The following OPCML variants were observed in gnomAD, a reference collection of about 807,000 sequenced individuals.
The protein encoded by OPCML is opioid-binding protein/cell adhesion molecule.
In OPCML, 13 loss-of-function variants were observed where a neutral mutation model predicts 37.8. That is an observed-to-expected ratio of 0.34 (90% CI 0.22 to 0.55). The LOEUF is 0.55. OPCML is among the 20% of genes least tolerant of loss of function. OPCML has a pLI of 0.91. For missense variants in OPCML, 341 were observed against 435.6 expected (o/e 0.78, Z 1.93); for synonymous variants, 176 against 168.8 (o/e 1.04, Z -0.33).
At position 132,886,133 on chromosome 11, in the gene OPCML, T is replaced by C. The variant is rs117386212; in HGVS notation, c.146+56793A>G. ...TATGGATTAGCGTAATTTACATAAC[T>C]AGTCCCATATCAATAAAGCTTTCAA... On this transcript the variant is annotated intron_variant, in intron 2 of 7. Transcript: ENST00000524381. 8.9e-3 allele frequency among the ~76,000 whole-genome samples: 1,352 copies of C among 152,372 alleles called. 9 individuals carry two copies. Among genetic ancestry groups the C allele is most frequent in the Non-Finnish European group, 0.013 (851 of 68,034 alleles).
At chr11:133,387,479 T>G (rs1208526220) in intron 1 of OPCML, among the ~76,000 whole-genome samples, 3 of 152,216 alleles carry the variant, frequency 2.0e-5, no homozygotes, top group Admixed American at 2.0e-4. Flanking sequence ...AGCCTTTCAG[T>G]GCCCCAACAG....
intron 3 of OPCML, among the ~76,000 whole-genome samples, chr11:132,559,937 T>C (rs2137496310): frequency 6.6e-6 from 1 of 152,330 alleles, no homozygotes; most frequent in African/African-American, 2.4e-5. Context: ...GCAAAAGCTA[T>C]TTTACAAGTA....
chr11:133,298,736 G>T (rs1220433791), intron 1 of OPCML: 1 of 152,158 alleles, frequency 6.6e-6, no homozygotes, highest in Non-Finnish European at 1.5e-5. Context: ...ACACTTTGTT[G>T]TCTCCCAGTA....
intron 1 of OPCML, among the ~76,000 whole-genome samples, chr11:133,331,581 G>C (rs1169527641): frequency 6.6e-6 from 1 of 152,016 alleles, no homozygotes; most frequent in African/African-American, 2.4e-5. Flanking sequence ...TTATGCTGTG[G>C]GTTTAGCCTT....
intron 1 of OPCML, among the ~76,000 whole-genome samples, chr11:133,267,540 T>C (rs1941697616): frequency 6.6e-6 from 1 of 152,206 alleles, no homozygotes; most frequent in Non-Finnish European, 1.5e-5. Context: ...TCTTGTCTTT[T>C]TGGTATTAAA....
At chr11:133,458,621 A>ACACGTGTGTGTGTATATACACATAGATG (rs1946769753) in intron 1 of OPCML, among the ~76,000 whole-genome samples, 8 of 96,860 alleles carry the variant, frequency 8.3e-5, no homozygotes, top group Non-Finnish European at 1.1e-4. Context: ...ACACATATAT[A>ACACGTGTGTGTGTATATACACATAGATG]CACGTGTGTG....
At chr11:132,771,095 C>T (rs1394872854) in intron 2 of OPCML, among the ~76,000 whole-genome samples, 2 of 152,170 alleles carry the variant, frequency 1.3e-5, no homozygotes, top group Non-Finnish European at 2.9e-5. Flanking sequence ...GAGCAACCAA[C>T]TTTAACCTTG....
intron 2 of OPCML, among the ~76,000 whole-genome samples, chr11:132,789,645 G>T (rs1460681114): frequency 6.6e-6 from 1 of 152,174 alleles, no homozygotes; most frequent in Admixed American, 6.5e-5. Flanking sequence ...CAAAGAGAAA[G>T]AACAATATTT....
At chr11:133,219,661 C>G (rs1413154932) in intron 1 of OPCML, among the ~76,000 whole-genome samples, 1 of 152,164 alleles carries the variant, frequency 6.6e-6, no homozygotes, top group Non-Finnish European at 1.5e-5. Flanking sequence ...CTGCTGCTGC[C>G]TGCCCAAGGA....
rs114008771 is a variant in OPCML, at chr11:132,653,729, C to T, written c.379+3358G>A. On this transcript the variant is annotated intron_variant, in intron 3 of 7. Coordinates refer to ENST00000524381, the MANE Select transcript of OPCML (RefSeq NM_001012393.5). ...AGTTGGTGGCAGAGTGTCTCTCAGG[C>T]GCTCCCATGGCAGGAGGGATAAAGC... 4.4e-3 allele frequency among the ~76,000 whole-genome samples: 664 copies of T among 152,266 alleles called. 5 individuals carry two copies. The highest frequency in any genetic ancestry group is 0.015 in the African/African-American group (618 of 41,550).
intron 2 of OPCML, among the ~76,000 whole-genome samples, chr11:132,762,651 G>T (rs1946304074): frequency 6.6e-6 from 1 of 152,142 alleles, no homozygotes; most frequent in African/African-American, 2.4e-5. Context: ...AGTAATGGTG[G>T]ATGCCCGTCC....
chr11:132,752,364 C>T (rs1265699442), intron 2 of OPCML, among the ~76,000 whole-genome samples: 1 of 152,100 alleles, frequency 6.6e-6, no homozygotes, highest in Admixed American at 6.6e-5. Flanking sequence ...TTGTCTGAAA[C>T]CTTAGTTCCA....
intron 1 of OPCML, among the ~76,000 whole-genome samples, chr11:133,026,731 A>T (rs1474188731): frequency 6.6e-6 from 1 of 152,184 alleles, no homozygotes; most frequent in Non-Finnish European, 1.5e-5. Context: ...GCCTGCAATC[A>T]GTTTTGTCTT....
chr11:132,725,936 A>T (rs978097180), intron 2 of OPCML, among the ~76,000 whole-genome samples: 3 of 152,090 alleles, frequency 2.0e-5, no homozygotes, highest in Non-Finnish European at 2.9e-5. Context: ...TTTCCCCAAA[A>T]TTCCTCATTT....
At chr11:132,612,619 A>C (rs1351336767) in intron 3 of OPCML, among the ~76,000 whole-genome samples, 1 of 152,180 alleles carries the variant, frequency 6.6e-6, no homozygotes, top group Non-Finnish European at 1.5e-5. Flanking sequence ...CAAGAAAAAA[A>C]TGGGTCAAAT....
At chr11:132,468,754 C>G (rs2096126882) in intron 4 of OPCML, among the ~76,000 whole-genome samples, 1 of 152,180 alleles carries the variant, frequency 6.6e-6, no homozygotes, top group Non-Finnish European at 1.5e-5. Flanking sequence ...TAAAGCAGCT[C>G]TACCTCTTTC....
intron 4 of OPCML, among the ~76,000 whole-genome samples, chr11:132,502,447 T>A (rs1460437328): frequency 6.6e-6 from 1 of 152,174 alleles, no homozygotes; most frequent in African/African-American, 2.4e-5. Flanking sequence ...GCCTTTGTTG[T>A]CCCCAGTTAC....
chr11:133,241,538 C>G (rs1487577446), intron 1 of OPCML, among the ~76,000 whole-genome samples: 1 of 152,212 alleles, frequency 6.6e-6, no homozygotes, highest in South Asian at 2.1e-4. Context: ...ATTTACAAAG[C>G]TCTTCACTTG....
At chr11:132,432,503 T>C (rs1399982733) in intron 7 of OPCML, among the ~76,000 whole-genome samples, 5 of 152,188 alleles carry the variant, frequency 3.3e-5, no homozygotes, top group African/African-American at 7.2e-5. Flanking sequence ...CCCACTGAGA[T>C]TGACCTTCCC....
Sources: gnomAD v4.1 joint callset for allele counts (sites outside exome capture counted in the v4.1 genomes callset) on GRCh38, gnomAD v4.1.1 for gene constraint, MANE v1.5 for transcripts, NCBI Gene and HGNC (gene_info 2026-07-23, HGNC 2026-07-21) for gene names.